PRKCA: variants seen among roughly 807,000 people sequenced by gnomAD.
PRKCA encodes the protein protein kinase C alpha type.
A neutral mutation model predicts 87.0 loss-of-function variants in PRKCA; 27 were observed. The observed-to-expected ratio is 0.31, with a 90% CI of 0.23 to 0.43. The LOEUF (loss-of-function observed/expected upper bound fraction) is 0.43, where lower values mean the gene tolerates loss of function less well. Ranked by LOEUF, PRKCA falls within the 20% of genes least tolerant of loss-of-function variation. The pLI is 1.00. For synonymous variants in PRKCA, 329 were observed against 311.1 expected (o/e 1.06, Z -0.61); for missense variants, 518 against 852.3 (o/e 0.61, Z 4.88).
chr17:66,790,875 G>T (rs1052958100), intron 16 of PRKCA, among the ~76,000 whole-genome samples: 3 of 152,066 alleles, frequency 2.0e-5, no homozygotes, highest in African/African-American at 7.2e-5. Flanking sequence ...GCAAGAATGT[G>T]AACTGTTCTC....
At chr17:66,480,916 C>A (rs1256029534) in intron 2 of PRKCA, among the ~76,000 whole-genome samples, 1 of 150,006 alleles carries the variant, frequency 6.7e-6, no homozygotes, top group Non-Finnish European at 1.5e-5. Context: ...TGCGTTCCTT[C>A]CCCCGGTGCT....
intron 3 of PRKCA, among the ~76,000 whole-genome samples, chr17:66,545,407 C>T (rs941076555): frequency 3.9e-5 from 6 of 152,132 alleles, no homozygotes; most frequent in Admixed American, 2.0e-4. Flanking sequence ...CCAGCCTGGG[C>T]GACAGAGCGA....
intron 3 of PRKCA, among the ~76,000 whole-genome samples, chr17:66,594,006 AC>A: frequency 6.6e-6 from 1 of 152,200 alleles, no homozygotes; most frequent in East Asian, 1.9e-4. Flanking sequence ...AATCACTTGA[AC>A]CTGGGAAGCA....
intron 8 of PRKCA, among the ~76,000 whole-genome samples, chr17:66,695,696 C>G (rs2039728245): frequency 6.6e-6 from 1 of 152,152 alleles, no homozygotes; most frequent in African/African-American, 2.4e-5. Context: ...TATTCCAGAG[C>G]AAGTTAAACA....
intron 2 of PRKCA, among the ~76,000 whole-genome samples, chr17:66,489,884 C>T (rs142377973): frequency 1.2e-3 from 183 of 151,564 alleles, no homozygotes; most frequent in African/African-American, 4.3e-3. Context: ...GAGTTCAAGC[C>T]GTCCTCCTGC....
Position 66,410,272 on chromosome 17 carries a change from T to C in PRKCA, c.206-85929T>C, listed in dbSNP as rs115227422. ...CATTATTTGGGGATGCTTTTTCCTATTTATATGAGGAATATTTGTACATGA... is the reference window on the plus strand; with the variant it reads ...CATTATTTGGGGATGCTTTTTCCTACTTATATGAGGAATATTTGTACATGA... On this transcript the variant is annotated intron_variant, in intron 2 of 16. Transcript: ENST00000413366. Among the ~76,000 whole-genome samples, 463 of 152,224 alleles carry C rather than the reference T, an allele frequency of 3.0e-3. 2 individuals carry two copies. Among genetic ancestry groups the C allele is most frequent in the African/African-American group, 0.011 (449 of 41,548 alleles).
intron 3 of PRKCA, among the ~76,000 whole-genome samples, chr17:66,587,909 A>G (rs745823241): frequency 0.26 from 18,914 of 72,822 alleles, 3,724 homozygotes; most frequent in African/African-American, 0.44. Flanking sequence ...ATATATATAT[A>G]TATATATATA....
At chr17:66,476,105 G>A (rs1480422685) in intron 2 of PRKCA, among the ~76,000 whole-genome samples, 1 of 152,046 alleles carries the variant, frequency 6.6e-6, no homozygotes, top group Non-Finnish European at 1.5e-5. Context: ...TTGCTATGTT[G>A]GCTAGGCTGG....
intron 15 of PRKCA, among the ~76,000 whole-genome samples, chr17:66,788,328 G>A (rs1050929279): frequency 1.3e-5 from 2 of 152,096 alleles, no homozygotes; most frequent in African/African-American, 2.4e-5. Flanking sequence ...TGGGCAAGTC[G>A]GAATTAACTA....
chr17:66,655,698 C>T (rs769141323), intron 5 of PRKCA, among the ~76,000 whole-genome samples: 30 of 152,264 alleles, frequency 2.0e-4, no homozygotes, highest in Non-Finnish European at 3.7e-4. Context: ...AAATGTGTGT[C>T]TGTTGAGCCG....
rs1178330426 is a variant in PRKCA at position 66,806,366 on chromosome 17, T to C, written c.*2329T>C. ...GCCCGGCCAGAAAAGAACCATTTCT[T>C]CTGCCATCTTTTATGCACCATAGAC... is the stretch of plus-strand genomic sequence containing the variant. On this transcript the variant is annotated 3_prime_UTR_variant, in exon 17 of 17. Transcript: ENST00000413366. 2 of 152,116 alleles carry C rather than the reference T, an allele frequency of 1.3e-5. No individual in the cohort carries two copies. The highest frequency in any genetic ancestry group is 2.9e-5 in the Non-Finnish European group (2 of 68,066). 9.4% of individuals were successfully genotyped at this position (152,116 alleles called of 1,614,324 possible).
chr17:66,607,107 T>C (rs1970231602), intron 3 of PRKCA, among the ~76,000 whole-genome samples: 1 of 152,192 alleles, frequency 6.6e-6, no homozygotes, highest in African/African-American at 2.4e-5. Context: ...GAGTTATGCT[T>C]CCTAGAATAT....
intron 4 of PRKCA, among the ~76,000 whole-genome samples, chr17:66,642,217 C>T (rs543449647): frequency 6.6e-6 from 1 of 152,078 alleles, no homozygotes; most frequent in East Asian, 1.9e-4. Context: ...GCAAGCTCCA[C>T]CTCCCGAGTT....
chr17:66,383,062 G>T (rs1391239431), intron 2 of PRKCA, among the ~76,000 whole-genome samples: 1 of 125,790 alleles, frequency 7.9e-6, no homozygotes. Flanking sequence ...TATCCTAACA[G>T]AGTAATTTTG....
At chr17:66,646,966 T>C (rs143719618) in intron 5 of PRKCA, among the ~76,000 whole-genome samples, 1 of 152,340 alleles carries the variant, frequency 6.6e-6, no homozygotes, top group Non-Finnish European at 1.5e-5. Flanking sequence ...ACCATCCCTA[T>C]TGTGCCATTG....
chr17:66,705,302 C>T (rs1334791780), intron 8 of PRKCA, among the ~76,000 whole-genome samples: 1 of 152,184 alleles, frequency 6.6e-6, no homozygotes, highest in East Asian at 1.9e-4. Context: ...TTCAAACACT[C>T]ATTAGATCAC....
At chr17:66,627,256 T>C (rs1970882463) in intron 3 of PRKCA, among the ~76,000 whole-genome samples, 1 of 151,846 alleles carries the variant, frequency 6.6e-6, no homozygotes, top group Non-Finnish European at 1.5e-5. Flanking sequence ...ACCATGCCAG[T>C]GGGTTAAGAT....
At chr17:66,456,243 T>C (rs1035395629) in intron 2 of PRKCA, among the ~76,000 whole-genome samples, 1 of 152,202 alleles carries the variant, frequency 6.6e-6, no homozygotes, top group Non-Finnish European at 1.5e-5. Flanking sequence ...ATTCTGAGAA[T>C]AGATTCCTGT....
chr17:66,394,472 C>T (rs1163609923), intron 2 of PRKCA, among the ~76,000 whole-genome samples: 2 of 152,172 alleles, frequency 1.3e-5, no homozygotes, highest in Non-Finnish European at 2.9e-5. Context: ...AATCTTCACT[C>T]ATCATTTATT....
Sources: gnomAD v4.1 joint callset for allele counts (sites outside exome capture counted in the v4.1 genomes callset) on GRCh38, gnomAD v4.1.1 for gene constraint, MANE v1.5 for transcripts, NCBI Gene and HGNC (gene_info 2026-07-23, HGNC 2026-07-21) for gene names.